STIM1: variants seen among roughly 807,000 people sequenced by gnomAD.
The protein encoded by STIM1 is stromal interaction molecule 1.
Under a neutral mutation model 74.7 loss-of-function variants are expected in STIM1, and 25 were observed. That is an observed-to-expected ratio of 0.33 (90% CI 0.24 to 0.47). STIM1 has a LOEUF of 0.47. Ranked by LOEUF, STIM1 falls within the 20% of genes least tolerant of loss-of-function variation. The pLI, the probability that STIM1 is intolerant of heterozygous loss-of-function variation, is 1.00. For missense variants in STIM1, 728 were observed against 920.8 expected, an observed-to-expected ratio of 0.79 and a Z score of 2.71; for synonymous variants, 328 against 348.8, an observed-to-expected ratio of 0.94 and a Z score of 0.66.
chr11:4,056,348 CTT>C (rs1354845727), intron 4 of STIM1, among the ~76,000 whole-genome samples: 1 of 152,190 alleles, frequency 6.6e-6, no homozygotes, highest in African/African-American at 2.4e-5. Flanking sequence ...GCTTGGACTT[CTT>C]GTCATGTCAA....
rs541116217 is a variant in STIM1, at chr11:3,916,261, G to A, written c.140-51291G>A. ...TGAATTTCTTGAACTTTAAACCCTTGAATGTGTGCCAATCCAGTCAGTAAT... is the reference window on the plus strand; with the variant it reads ...TGAATTTCTTGAACTTTAAACCCTTAAATGTGTGCCAATCCAGTCAGTAAT... On this transcript the variant is annotated intron_variant, in intron 1 of 12. Coordinates refer to ENST00000526596, the MANE Select transcript of STIM1 (RefSeq NM_001382567.1). Among the ~76,000 whole-genome samples the A allele has an allele frequency of 9.2e-5, 14 of 151,564 alleles. No homozygotes were observed. In the South Asian group the frequency reaches 2.5e-3, roughly 27 times the overall value.
intron 2 of STIM1, among the ~76,000 whole-genome samples, chr11:3,993,041 A>G (rs918657575): frequency 7.9e-5 from 12 of 151,444 alleles, no homozygotes; most frequent in African/African-American, 2.9e-4. Context: ...TTTATTCTCA[A>G]TGTAGCAGCT....
chr11:3,932,695 A>G (rs1433018922), intron 1 of STIM1, among the ~76,000 whole-genome samples: 3 of 151,628 alleles, frequency 2.0e-5, no homozygotes, highest in Admixed American at 6.6e-5. Flanking sequence ...AAGAAAAGAA[A>G]AGAGACCCTA....
chr11:4,086,675 C>A, intron 12 of STIM1, 132 bp downstream of exon 12: 1 of 1,544,140 alleles, frequency 6.5e-7, no homozygotes, highest in South Asian at 1.2e-5. Flanking sequence ...TCTGCTGCTG[C>A]TTCTTGCTCC....
At chr11:3,874,917 G>C (rs906174114) in intron 1 of STIM1, among the ~76,000 whole-genome samples, 1 of 151,550 alleles carries the variant, frequency 6.6e-6, no homozygotes, top group Admixed American at 6.6e-5. Context: ...CCCAGAATGT[G>C]CTGTTATTTT....
intron 2 of STIM1, among the ~76,000 whole-genome samples, chr11:4,007,534 G>A (rs542431587): frequency 1.3e-5 from 2 of 152,274 alleles, no homozygotes; most frequent in South Asian, 4.1e-4. Context: ...GGGAACTTCC[G>A]TTGAGGGTAT....
chr11:3,939,310 A>C (rs2092976110), intron 1 of STIM1, among the ~76,000 whole-genome samples: 1 of 152,190 alleles, frequency 6.6e-6, no homozygotes, highest in African/African-American at 2.4e-5. Flanking sequence ...AGGCTTTTCC[A>C]AACTGAAAAT....
chr11:3,992,497 T>C (rs978885135), intron 2 of STIM1, among the ~76,000 whole-genome samples: 1 of 152,232 alleles, frequency 6.6e-6, no homozygotes, highest in Non-Finnish European at 1.5e-5. Context: ...TAAAGTTCTT[T>C]ATATATTTTA....
At chr11:3,884,829 A>C (rs2091644695) in intron 1 of STIM1, among the ~76,000 whole-genome samples, 2 of 152,116 alleles carry the variant, frequency 1.3e-5, no homozygotes, top group Admixed American at 6.5e-5. Context: ...TTATTTAGCC[A>C]TTAAATGGAG....
At chr11:4,090,393 C>T (rs1449808684) in intron 12 of STIM1, among the ~76,000 whole-genome samples, 1 of 152,222 alleles carries the variant, frequency 6.6e-6, no homozygotes, top group East Asian at 1.9e-4. Flanking sequence ...CCTACATTCT[C>T]CGTCAGCAGA....
At chr11:4,025,902 A>G (rs1008121628) in intron 3 of STIM1, among the ~76,000 whole-genome samples, 5 of 152,200 alleles carry the variant, frequency 3.3e-5, no homozygotes, top group African/African-American at 9.7e-5. Context: ...ATTTCAATGC[A>G]GTGATGTAGT....
chr11:3,982,002 CT>C (rs1024806759), intron 2 of STIM1, among the ~76,000 whole-genome samples: 17 of 151,994 alleles, frequency 1.1e-4, no homozygotes, highest in African/African-American at 3.9e-4. Flanking sequence ...TCTTTCTTTT[CT>C]TTTTGTTTCT....
intron 2 of STIM1, among the ~76,000 whole-genome samples, chr11:4,015,428 G>A (rs1040271498): frequency 6.6e-6 from 1 of 152,094 alleles, no homozygotes; most frequent in African/African-American, 2.4e-5. Flanking sequence ...TAGTCTGATG[G>A]GCTTCCCTTT....
Position 3,996,386 on chromosome 11 carries a change from A to G in STIM1, c.271-27487A>G, listed in dbSNP as rs138935680. 7.4e-3 allele frequency among the ~76,000 whole-genome samples: 1,130 copies of G among 152,322 alleles called. 10 individuals carry two copies. Among genetic ancestry groups the G allele is most frequent in the Admixed American group, 0.013 (192 of 15,304 alleles). ...CAGTATTCTTAGTGGCACTGCATCC[A>G]AGGTAAAGCTCTCGTCCTATGAGTG... On this transcript the variant is annotated intron_variant, in intron 2 of 12. Transcript: ENST00000526596.
At chr11:4,008,263 A>T (rs1315914356) in intron 2 of STIM1, among the ~76,000 whole-genome samples, 1 of 152,214 alleles carries the variant, frequency 6.6e-6, no homozygotes, top group African/African-American at 2.4e-5. Flanking sequence ...AGGCTATTTC[A>T]TATAACCTAG....
chr11:4,001,290 T>A (rs966121831), intron 2 of STIM1, among the ~76,000 whole-genome samples: 10 of 151,516 alleles, frequency 6.6e-5, no homozygotes, highest in Admixed American at 5.9e-4. Context: ...ATTGTCAGAT[T>A]CACCAAAGTT....
At chr11:3,962,718 T>C (rs2093300312) in intron 1 of STIM1, among the ~76,000 whole-genome samples, 1 of 152,182 alleles carries the variant, frequency 6.6e-6, no homozygotes, top group African/African-American at 2.4e-5. Context: ...AGTATTTCCT[T>C]TTCTCTGCAT....
intron 2 of STIM1, among the ~76,000 whole-genome samples, chr11:4,012,760 T>C (rs893496908): frequency 2.0e-5 from 3 of 152,198 alleles, no homozygotes; most frequent in African/African-American, 4.8e-5. Flanking sequence ...TCCAACACTA[T>C]GTTGAATAGG....
intron 1 of STIM1, among the ~76,000 whole-genome samples, chr11:3,945,530 C>T (rs934768905): frequency 6.6e-5 from 10 of 152,074 alleles, no homozygotes; most frequent in African/African-American, 1.9e-4. Flanking sequence ...ACCCGGGAGG[C>T]GGAGGTTGCA....
Sources: gnomAD v4.1 joint callset for allele counts (sites outside exome capture counted in the v4.1 genomes callset) on GRCh38, gnomAD v4.1.1 for gene constraint, MANE v1.5 for transcripts, NCBI Gene and HGNC (gene_info 2026-07-23, HGNC 2026-07-21) for gene names.